The following RANBP2 variants were observed in gnomAD, a reference collection of about 807,000 sequenced individuals.
RANBP2 encodes the protein RAN binding protein 2.
Under a neutral mutation model 303.6 loss-of-function variants are expected in RANBP2, and 57 were observed. The ratio of observed to expected loss-of-function variants is 0.19; its 90% CI spans 0.15 to 0.23. RANBP2 has a LOEUF of 0.23. Among genes scored for constraint, RANBP2 ranks in the 10% least tolerant of loss-of-function variants. The pLI is 1.00. For missense variants in RANBP2, 3,138 were observed against 3,780.8 expected, an observed-to-expected ratio of 0.83 and a Z score of 4.46; for synonymous variants, 1,167 against 1,301.5, an observed-to-expected ratio of 0.90 and a Z score of 2.23.
the RANBP2 span, chr2:108,912,675 C>T: frequency 6.3e-7 from 1 of 1,586,314 alleles, no homozygotes; most frequent in African/African-American, 1.3e-5. Context: ...GCACCCTCCT[C>T]ACCTTTGTGG....
chr2:109,105,096 A>C, the RANBP2 span, among the ~76,000 whole-genome samples: 2 of 152,228 alleles, frequency 1.3e-5, no homozygotes, highest in African/African-American at 4.8e-5. Context: ...CTCTAAAACA[A>C]TAATTGGTCG....
At chr2:109,359,574 G>A in the RANBP2 span, among the ~76,000 whole-genome samples, 2 of 152,102 alleles carry the variant, frequency 1.3e-5, no homozygotes, top group Admixed American at 6.6e-5. Context: ...ATTGTATCAT[G>A]TTTTAACTTA....
chr2:108,988,114 GTGTGGGATTGCC>G, the RANBP2 span, among the ~76,000 whole-genome samples: 2 of 152,194 alleles, frequency 1.3e-5, no homozygotes, highest in African/African-American at 4.8e-5. Context: ...ACCCCTGGCT[GTGTGGGATTGCC>G]CACTGACCGG....
the RANBP2 span, among the ~76,000 whole-genome samples, chr2:109,199,389 GGAAT>G: frequency 8.5e-5 from 1 of 11,828 alleles, no homozygotes; most frequent in Non-Finnish European, 3.0e-4. Flanking sequence ...GGAATGGAAT[GGAAT>G]GGAATGGAAT....
chr2:108,734,984 T>C (rs1304205111), intron 4 of RANBP2, among the ~76,000 whole-genome samples: 6 of 151,800 alleles, frequency 4.0e-5, no homozygotes, highest in Non-Finnish European at 5.9e-5. Flanking sequence ...AAATGAGAAG[T>C]GAGTGGCCAC....
chr2:109,002,084 T>G, the RANBP2 span, among the ~76,000 whole-genome samples: 1 of 152,096 alleles, frequency 6.6e-6, no homozygotes, highest in Non-Finnish European at 1.5e-5. Flanking sequence ...GAGTAGGGAG[T>G]TGGTGGCTGC....
chr2:109,500,105 AGTCGATTCTTTTGGCTGCC>A, the RANBP2 span, among the ~76,000 whole-genome samples: 1 of 152,178 alleles, frequency 6.6e-6, no homozygotes, highest in African/African-American at 2.4e-5. Context: ...TGGAACCCAC[AGTCGATTCTTTTGGCTGCC>A]GTGAGGTTTC....
At chr2:109,029,866 G>C in the RANBP2 span, among the ~76,000 whole-genome samples, 221 of 152,248 alleles carry the variant, frequency 1.5e-3, 1 homozygote, top group Non-Finnish European at 2.5e-3. Context: ...TAGCCTTCAG[G>C]GGCAGCCTCT....
the RANBP2 span, among the ~76,000 whole-genome samples, chr2:108,881,986 G>T: frequency 6.6e-6 from 1 of 151,820 alleles, no homozygotes; most frequent in Non-Finnish European, 1.5e-5. Context: ...TCTACAAAAA[G>T]AGCAAAAACA....
the RANBP2 span, among the ~76,000 whole-genome samples, chr2:109,579,199 A>G: frequency 6.6e-6 from 1 of 152,212 alleles, no homozygotes. Context: ...AGATTCCTGG[A>G]AAATTATAAC....
At chr2:108,862,195 TA>T in the RANBP2 span, among the ~76,000 whole-genome samples, 22 of 147,136 alleles carry the variant, frequency 1.5e-4, no homozygotes, top group East Asian at 9.9e-4. Context: ...CCATGCCACT[TA>T]AAAAAAAAAC....
At chr2:109,575,706 A>G in the RANBP2 span, among the ~76,000 whole-genome samples, 1 of 152,244 alleles carries the variant, frequency 6.6e-6, no homozygotes, top group Non-Finnish European at 1.5e-5. Flanking sequence ...TGAAAATAAC[A>G]GCAAACAGTT....
the RANBP2 span, among the ~76,000 whole-genome samples, chr2:109,093,692 T>C: frequency 1.3e-4 from 20 of 152,278 alleles, no homozygotes; most frequent in African/African-American, 4.6e-4. Flanking sequence ...ACAAGCTATA[T>C]GTATTTAAAA....
At chr2:108,746,200 G>C (rs183992590) in intron 7 of RANBP2, among the ~76,000 whole-genome samples, 3,259 of 143,172 alleles carry the variant, frequency 0.023, 128 homozygotes, top group African/African-American at 0.082. Context: ...GAGCCACCAT[G>C]TCTGGCCCTT....
chr2:109,199,642 T>TAC, the RANBP2 span, among the ~76,000 whole-genome samples: 1 of 24 alleles, frequency 0.042, no homozygotes, highest in African/African-American at 0.17. Context: ...TGGAATGGAA[T>TAC]GGAATGGAAT....
the RANBP2 span, among the ~76,000 whole-genome samples, chr2:109,588,850 T>TAAA: frequency 4.9e-4 from 55 of 111,440 alleles, 1 homozygote; most frequent in South Asian, 7.4e-3. Flanking sequence ...CAATTACTAT[T>TAAA]AAAAAAAAAA....
At chr2:108,889,542 C>T in the RANBP2 span, among the ~76,000 whole-genome samples, 1 of 150,078 alleles carries the variant, frequency 6.7e-6, no homozygotes, top group African/African-American at 2.5e-5. Context: ...ATATAATAAC[C>T]TTTTTTTCTT....
the RANBP2 span, among the ~76,000 whole-genome samples, chr2:109,510,668 C>T: frequency 5.1e-3 from 780 of 152,352 alleles, 8 homozygotes; most frequent in African/African-American, 0.018. Flanking sequence ...CCCAACAAAA[C>T]AGCCACTTGT....
the RANBP2 span, among the ~76,000 whole-genome samples, chr2:109,165,344 T>C: frequency 6.6e-6 from 1 of 152,186 alleles, no homozygotes. Context: ...TCCTTCCTGC[T>C]GCAAACAGGA....
Sources: gnomAD v4.1 joint callset for allele counts (sites outside exome capture counted in the v4.1 genomes callset) on GRCh38, gnomAD v4.1.1 for gene constraint, MANE v1.5 for transcripts, NCBI Gene and HGNC (gene_info 2026-07-23, HGNC 2026-07-21) for gene names.